The following SHANK2 variants were observed in gnomAD, a reference collection of about 807,000 sequenced individuals.
SHANK2 encodes SH3 and multiple ankyrin repeat domains protein 2.
A neutral mutation model predicts 133.7 loss-of-function variants in SHANK2; 43 were observed. The ratio of observed to expected loss-of-function variants is 0.32; its 90% CI spans 0.25 to 0.41. The LOEUF (loss-of-function observed/expected upper bound fraction) is 0.41, where lower values mean the gene tolerates loss of function less well. Ranked by LOEUF, SHANK2 falls within the 10% of genes least tolerant of loss-of-function variation. The pLI is 1.00. For missense variants in SHANK2, 1,994 were observed against 2,235.8 expected (o/e 0.89, Z 2.18); for synonymous variants, 1,017 against 952.8 (o/e 1.07, Z -1.24).
intron 12 of SHANK2, among the ~76,000 whole-genome samples, chr11:70,813,717 T>C (rs1052622942): frequency 7.9e-5 from 12 of 152,214 alleles, no homozygotes; most frequent in Admixed American, 2.0e-4. Flanking sequence ...CTAAATGCTA[T>C]TGGCTGACAG....
intron 10 of SHANK2, among the ~76,000 whole-genome samples, chr11:70,929,853 TG>T (rs1950479004): frequency 6.6e-6 from 1 of 152,230 alleles, no homozygotes; most frequent in African/African-American, 2.4e-5. Context: ...TGTCAGATCC[TG>T]GGTGACTACA....
At chr11:70,935,198 A>C (rs1306428910) in intron 10 of SHANK2, among the ~76,000 whole-genome samples, 2 of 152,178 alleles carry the variant, frequency 1.3e-5, no homozygotes, top group Admixed American at 6.5e-5. Context: ...GATGTGAATC[A>C]TCCCTTTGTC....
chr11:71,208,110 C>T (rs1394485778), intron 2 of SHANK2, among the ~76,000 whole-genome samples: 2 of 152,202 alleles, frequency 1.3e-5, no homozygotes, highest in African/African-American at 4.8e-5. Context: ...ACTAGTCCAG[C>T]GTCCCTGTAC....
At chr11:70,904,998 A>C (rs537466463) in intron 10 of SHANK2, among the ~76,000 whole-genome samples, 1 of 152,140 alleles carries the variant, frequency 6.6e-6, no homozygotes, top group Non-Finnish European at 1.5e-5. Flanking sequence ...CAGCGTGAAA[A>C]TGGACTAATA....
chr11:70,746,833 C>T (rs79273815), intron 14 of SHANK2, among the ~76,000 whole-genome samples: 4 of 152,058 alleles, frequency 2.6e-5, no homozygotes, highest in Non-Finnish European at 5.9e-5. Flanking sequence ...GGGCTCTGCC[C>T]TACCCTTTCC....
At chr11:71,083,697 C>G (rs1951333500) in intron 8 of SHANK2, among the ~76,000 whole-genome samples, 1 of 152,152 alleles carries the variant, frequency 6.6e-6, no homozygotes, top group South Asian at 2.1e-4. Context: ...GTCTGGATCC[C>G]TCACCAAGCG....
rs570510072 is a variant in SHANK2, at chr11:70,667,228, T to C, written c.1854-5550A>G. Among the ~76,000 whole-genome samples, 40 of 152,328 alleles carry C rather than the reference T, an allele frequency of 2.6e-4. No individual in the cohort carries two copies. The South Asian group carries it at 4.1e-3, about 16-fold the overall frequency. ...ATGGAGAATGCAAGAGGTATCCCTA[T>C]GGGAGCCATATTGGCTTCCCGGAGA... On this transcript the variant is annotated intron_variant, in intron 15 of 25. Transcript: ENST00000601538.
Position 70,882,294 on chromosome 11 carries a change from G to C in SHANK2, c.1174+14207C>G, listed in dbSNP as rs542661072. 6.6e-6 allele frequency among the ~76,000 whole-genome samples: 1 copy of C among 152,312 alleles called. No homozygotes were observed. Among genetic ancestry groups the C allele is most frequent in the Admixed American group, 6.5e-5 (1 of 15,304 alleles). On this transcript the variant is annotated intron_variant, in intron 11 of 25. Transcript: ENST00000601538. This position sits in a 1 kb window ranked among gnomAD's most constrained non-coding sequence, Gnocchi z 4.2. ...TGTTTCCAGGCCTGGTGAGCTCCGG[G>C]GTGGGACGGGAGAGGGGCCACTGCA... is the stretch of plus-strand genomic sequence containing the variant.
intron 14 of SHANK2, among the ~76,000 whole-genome samples, chr11:70,751,248 A>C (rs1197226249): frequency 6.6e-6 from 1 of 152,228 alleles, no homozygotes; most frequent in Non-Finnish European, 1.5e-5. Context: ...ATTGCTGAAG[A>C]CTAAAAACGA....
At chr11:71,077,603 T>A (rs1162786904) in intron 8 of SHANK2, among the ~76,000 whole-genome samples, 1 of 141,156 alleles carries the variant, frequency 7.1e-6, no homozygotes, top group Non-Finnish European at 1.5e-5. Context: ...TAGCAGTAAT[T>A]TTTTTTTTTT....
At chr11:71,137,232 A>G (rs72957679) in intron 3 of SHANK2, among the ~76,000 whole-genome samples, 28,837 of 144,636 alleles carry the variant, frequency 0.2, 3,071 homozygotes, top group South Asian at 0.32. Flanking sequence ...CTTTTTGAAA[A>G]AAAGAAAGTT....
intron 11 of SHANK2, chr11:70,863,136 C>G: frequency 2.8e-6 from 1 of 359,502 alleles, no homozygotes; most frequent in Non-Finnish European, 5.5e-6. Context: ...CTGTCACATT[C>G]CAGGGACAAA....
At chr11:70,595,069 G>A (rs1160589954) in intron 17 of SHANK2, among the ~76,000 whole-genome samples, 2 of 152,180 alleles carry the variant, frequency 1.3e-5, no homozygotes, top group Non-Finnish European at 2.9e-5. Flanking sequence ...ATTCCCCAAG[G>A]TGGTTTCTGC....
chr11:70,557,745 C>T (rs1182862191), intron 17 of SHANK2, among the ~76,000 whole-genome samples: 4 of 152,272 alleles, frequency 2.6e-5, no homozygotes, highest in East Asian at 3.9e-4. Flanking sequence ...CAAGTGGTTC[C>T]GGAGATCCCC....
In SHANK2 at chr11:71,224,702, G is replaced by A. The variant is rs1030511457; in HGVS notation, c.-18C>T. 12 of 152,266 alleles carry A rather than the reference G, an allele frequency of 7.9e-5. No individual in the cohort carries two copies. The highest frequency in any genetic ancestry group is 7.2e-4 in the Admixed American group (11 of 15,280). The allele number at this position is 152,266 out of a possible 1,614,324, so 9.4% of individuals were successfully genotyped here. ...GGGAAAATGTTATAACTCACCAGAG[G>A]TGTTGGGAGACTGAGCCTCACAGAT... On this transcript the variant is annotated 5_prime_UTR_variant, in exon 2 of 26. Transcript: ENST00000601538.
chr11:71,105,306 A>AG (rs1555097565), intron 6 of SHANK2, among the ~76,000 whole-genome samples: 1 of 152,168 alleles, frequency 6.6e-6, no homozygotes, highest in African/African-American at 2.4e-5. Flanking sequence ...TGAAAAGGTC[A>AG]GCAAGGTTGA....
intron 17 of SHANK2, among the ~76,000 whole-genome samples, chr11:70,622,547 C>T (rs1591662073): frequency 1.3e-5 from 2 of 152,340 alleles, no homozygotes; most frequent in East Asian, 1.9e-4. Context: ...AGGGGCCATC[C>T]GTTCCGGGGC....
intron 11 of SHANK2, among the ~76,000 whole-genome samples, chr11:70,845,064 T>C (rs2135445053): frequency 6.6e-6 from 1 of 151,486 alleles, no homozygotes; most frequent in African/African-American, 2.4e-5. Flanking sequence ...CCAGGTGTGG[T>C]GGCACACACC....
intron 3 of SHANK2, among the ~76,000 whole-genome samples, chr11:71,134,073 A>G (rs1259962185): frequency 2.0e-5 from 3 of 147,546 alleles, no homozygotes; most frequent in Non-Finnish European, 4.5e-5. Context: ...TTCTCGGTGG[A>G]CTGGGTGACT....
Sources: allele counts gnomAD v4.1 joint callset (sites outside exome capture counted in the v4.1 genomes callset), GRCh38; gene constraint gnomAD v4.1.1; non-coding constraint Gnocchi (gnomAD v3.1); transcripts MANE v1.5; gene names NCBI Gene and HGNC (gene_info 2026-07-23, HGNC 2026-07-21).